The following SAXO1 variants were observed in gnomAD, a reference collection of about 807,000 sequenced individuals.
SAXO1 encodes 4930500O09Rik.
In SAXO1, 21 loss-of-function variants were observed where a neutral mutation model predicts 17.5. That is an observed-to-expected ratio of 1.20 (90% CI 0.85 to 1.72). The LOEUF (loss-of-function observed/expected upper bound fraction) is 1.72. Among genes scored for constraint, SAXO1 ranks in the 40% most tolerant of loss-of-function variants. The probability of loss-of-function intolerance (pLI) is 0.00; values close to 1 mark genes in which losing one functional copy is unlikely to be tolerated. For missense variants in SAXO1, 843 were observed against 596.0 expected (o/e 1.41, Z -4.32); for synonymous variants, 274 against 216.5 (o/e 1.27, Z -2.33).
At chr9:18,944,244 T>A (rs1156607045) in intron 2 of SAXO1, among the ~76,000 whole-genome samples, 1 of 152,126 alleles carries the variant, frequency 6.6e-6, no homozygotes, top group Non-Finnish European at 1.5e-5. Context: ...AGAAGAAAAA[T>A]TTTAAAGTTT....
Position 18,957,780 on chromosome 9 carries a change from T to C in SAXO1, c.39-6843A>G, listed in dbSNP as rs555129245. On this transcript the variant is annotated intron_variant, in intron 1 of 3. Coordinates refer to ENST00000380534, the MANE Select transcript of SAXO1 (RefSeq NM_153707.4). ...TATGTCTCTGGAATGGTGTTTTGTC[T>C]TAACAACCCCCACAACCCAACTGGC... is the stretch of plus-strand genomic sequence containing the variant. Among the ~76,000 whole-genome samples, 11 of 152,322 alleles carry C rather than the reference T, an allele frequency of 7.2e-5. 1 individual carries two copies. In the South Asian group the frequency reaches 2.3e-3, roughly 32 times the overall value.
chr9:18,974,427 C>G (rs557719976), intron 1 of SAXO1, among the ~76,000 whole-genome samples: 1 of 152,180 alleles, frequency 6.6e-6, no homozygotes, highest in East Asian at 1.9e-4. Flanking sequence ...AGTGAACAAT[C>G]AGACCTTGGT....
chr9:19,043,239 T>G (rs769587906), intron 1 of SAXO1, among the ~76,000 whole-genome samples: 1 of 152,170 alleles, frequency 6.6e-6, no homozygotes, highest in African/African-American at 2.4e-5. Flanking sequence ...ATCCTGTCAT[T>G]TGCAACAACA....
At chr9:18,974,698 G>GACAT (rs201536544) in intron 1 of SAXO1, among the ~76,000 whole-genome samples, 12 of 152,034 alleles carry the variant, frequency 7.9e-5, no homozygotes, top group African/African-American at 2.9e-4. Context: ...AGTACATACT[G>GACAT]AGATATATAT....
intron 1 of SAXO1, among the ~76,000 whole-genome samples, chr9:18,999,319 C>G (rs1168956594): frequency 6.6e-6 from 1 of 152,190 alleles, no homozygotes; most frequent in African/African-American, 2.4e-5. Flanking sequence ...TGAGGAGTGC[C>G]TCTGCCTGGC....
chr9:18,961,494 C>CA (rs1159765899), intron 1 of SAXO1, among the ~76,000 whole-genome samples: 3 of 152,136 alleles, frequency 2.0e-5, no homozygotes, highest in African/African-American at 7.2e-5. Context: ...CCCTTGCCCC[C>CA]ACCCCTCAAC....
At chr9:19,012,965 T>A (rs1404343362) in intron 1 of SAXO1, among the ~76,000 whole-genome samples, 2 of 152,190 alleles carry the variant, frequency 1.3e-5, no homozygotes. Context: ...AGGTTGTTTC[T>A]ATAGGTCACG....
chr9:18,930,289 C>T (rs1484119309), intron 3 of SAXO1, among the ~76,000 whole-genome samples: 1 of 152,160 alleles, frequency 6.6e-6, no homozygotes, highest in African/African-American at 2.4e-5. Context: ...GAATGGCCAA[C>T]ATAATGGGAG....
At chr9:18,944,298 A>C in intron 2 of SAXO1, among the ~76,000 whole-genome samples, 1 of 152,232 alleles carries the variant, frequency 6.6e-6, no homozygotes, top group African/African-American at 2.4e-5. Context: ...GTGGCTTAGG[A>C]GTGAATTTAA....
chr9:19,023,496 A>G (rs1237429067), intron 1 of SAXO1, among the ~76,000 whole-genome samples: 2 of 152,170 alleles, frequency 1.3e-5, no homozygotes, highest in Non-Finnish European at 2.9e-5. Flanking sequence ...CTTCACTGTG[A>G]AATGGTTTAA....
chr9:19,030,226 A>T (rs2131048311), intron 1 of SAXO1, among the ~76,000 whole-genome samples: 1 of 152,318 alleles, frequency 6.6e-6, no homozygotes, highest in South Asian at 2.1e-4. Flanking sequence ...GGGGATGCCA[A>T]GAAACCTGAT....
chr9:19,008,591 C>T (rs193196781), intron 1 of SAXO1, among the ~76,000 whole-genome samples: 3 of 152,192 alleles, frequency 2.0e-5, no homozygotes, highest in South Asian at 2.1e-4. Context: ...TGCTAGATAC[C>T]TACCCGAATA....
chr9:18,952,242 T>C (rs10757007), intron 1 of SAXO1, among the ~76,000 whole-genome samples: 82,660 of 152,028 alleles, frequency 0.54, 24,892 homozygotes, highest in Non-Finnish European at 0.67. Context: ...TTTTCCAACT[T>C]AGCTACCTTC....
intron 3 of SAXO1, among the ~76,000 whole-genome samples, chr9:18,938,536 G>C (rs953420419): frequency 2.0e-5 from 3 of 151,950 alleles, no homozygotes; most frequent in Admixed American, 2.0e-4. Flanking sequence ...AGGGGGCAGG[G>C]GGGTGCTAAA....
At chr9:18,931,641 C>G (rs1284778551) in intron 3 of SAXO1, among the ~76,000 whole-genome samples, 1 of 152,170 alleles carries the variant, frequency 6.6e-6, no homozygotes, top group East Asian at 1.9e-4. Context: ...CCACCAGCAA[C>G]GTATAAACAT....
chr9:18,977,459 T>A lies in SAXO1; in HGVS notation c.39-26522A>T, dbSNP rs559110061. Among the ~76,000 whole-genome samples the A allele has an allele frequency of 2.6e-5, 4 of 152,312 alleles. No homozygotes were observed. In the South Asian group the frequency reaches 6.2e-4, roughly 24 times the overall value. ...ATTATTCTCATCTACATAGGAGGTG[T>A]CTAAGGCTTACAGAGGTTAAATCAT... On this transcript the variant is annotated intron_variant, in intron 1 of 3. Coordinates refer to ENST00000380534, the MANE Select transcript of SAXO1 (RefSeq NM_153707.4).
intron 1 of SAXO1, among the ~76,000 whole-genome samples, chr9:19,012,965 T>C (rs1404343362): frequency 6.6e-6 from 1 of 152,190 alleles, no homozygotes; most frequent in Non-Finnish European, 1.5e-5. Context: ...AGGTTGTTTC[T>C]ATAGGTCACG....
intron 1 of SAXO1, among the ~76,000 whole-genome samples, chr9:18,984,027 A>G (rs1009677060): frequency 1.3e-5 from 2 of 152,066 alleles, no homozygotes; most frequent in African/African-American, 4.8e-5. Flanking sequence ...GCAGGGATAG[A>G]CAATATTCAT....
chr9:19,026,614 G>A (rs371296950), intron 1 of SAXO1, among the ~76,000 whole-genome samples: 1 of 152,188 alleles, frequency 6.6e-6, no homozygotes, highest in Non-Finnish European at 1.5e-5. Flanking sequence ...CTAAAATCAA[G>A]GAATCGAATT....
Sources: gnomAD v4.1 joint callset for allele counts (sites outside exome capture counted in the v4.1 genomes callset) on GRCh38, gnomAD v4.1.1 for gene constraint, MANE v1.5 for transcripts, NCBI Gene and HGNC (gene_info 2026-07-23, HGNC 2026-07-21) for gene names.